Variants in HSPG2 observed in about 807,000 individuals in gnomAD.
The protein encoded by HSPG2 is basement membrane-specific heparan sulfate proteoglycan core protein.
Under a neutral mutation model 526.6 loss-of-function variants are expected in HSPG2, and 278 were observed. That is an observed-to-expected ratio of 0.53 (90% CI 0.48 to 0.58). The LOEUF (loss-of-function observed/expected upper bound fraction) is 0.58, where lower values mean the gene tolerates loss of function less well. Ranked by LOEUF, HSPG2 falls within the 20% of genes least tolerant of loss-of-function variation. HSPG2 has a pLI of 0.00. For missense variants in HSPG2, 5,354 were observed against 6,099.5 expected, an observed-to-expected ratio of 0.88 and a Z score of 4.07; for synonymous variants, 2,465 against 2,555.4, an observed-to-expected ratio of 0.96 and a Z score of 1.07.
In HSPG2 at chr1:21,832,497, G is replaced by A; in HGVS notation, c.11205C>T (p.Phe3735=). 1 of 1,613,754 alleles carries A rather than the reference G, an allele frequency of 6.2e-7. No homozygotes were observed. The highest frequency in any genetic ancestry group is 8.5e-7 in the Non-Finnish European group (1 of 1,179,634). Residue 3735 remains phenylalanine, a splice_region_variant and synonymous_variant, in exon 81 of 97, where the codon TTC becomes TTT. Coordinates refer to ENST00000374695, the MANE Select transcript of HSPG2 (RefSeq NM_005529.7). ...SFGLVGGRPE[F]RFDAGSGMAT... The stretch of plus-strand genomic sequence containing the variant: ...GGTGGGGAGGCTGGGGGTCTCACCG[G>A]AACTCGGGCCTTCCCCCCACGAGGC...
chr1:21,871,245 TG>T (rs1302047079), intron 33 of HSPG2, among the ~76,000 whole-genome samples: 2 of 142,400 alleles, frequency 1.4e-5, no homozygotes. Context: ...CACCTCTGAC[TG>T]GCAGAGTATT....
chr1:21,835,416 A>C, intron 76 of HSPG2, 124 bp downstream of exon 76: 2 of 733,666 alleles, frequency 2.7e-6, no homozygotes, highest in Non-Finnish European at 4.9e-6. Context: ...GCAAAATGGA[A>C]TAATTCTCTT....
At position 21,829,981 on chromosome 1, in the gene HSPG2, G is replaced by T. The variant is rs373385666; in HGVS notation, c.11770+12C>A. On this transcript the variant is annotated intron_variant, in intron 86 of 96. Transcript: ENST00000374695. ...CTAGGACCCTGGGGGTCTCAGGCCT[G>T]GCTCCCCTCACCTTCCTCACACCGC... 119 of 1,598,366 alleles carry T rather than the reference G, an allele frequency of 7.4e-5. No individual in the cohort carries two copies. The highest frequency in any genetic ancestry group is 4.5e-4 in the Admixed American group (26 of 58,420).
chr1:21,854,725 T>C lies in HSPG2; in HGVS notation c.6174A>G (p.Ser2058=), dbSNP rs753974501. The change falls in exon 49 of 97, where the codon TCA becomes TCG. Residue 2058 remains serine, a synonymous_variant. Coordinates refer to ENST00000374695, the MANE Select transcript of HSPG2 (RefSeq NM_005529.7). ...TTTGCCCTTCTGTCACAGAAGGCGA[T>C]GAGGACTCAATCTTGACCGGCGGTG... is the stretch of plus-strand genomic sequence containing the variant. ...ASPPPVKIES[S]SPSVTEGQTL... is the part of the protein sequence containing the mutation. 6.2e-7 allele frequency: 1 copy of C among 1,613,634 alleles called. No individual in the cohort carries two copies. The highest frequency in any genetic ancestry group is 1.1e-5 in the South Asian group (1 of 90,910).
At chr1:21,832,732 C>G in intron 80 of HSPG2, 126 bp from the exon 81 acceptor site, 1 of 698,624 alleles carries the variant, frequency 1.4e-6, no homozygotes, top group Non-Finnish European at 2.6e-6. Flanking sequence ...CTCTGGCACT[C>G]CTCACACAGC....
chr1:21,843,266 C>G, intron 66 of HSPG2, 31 bp downstream of exon 66: 1 of 1,613,656 alleles, frequency 6.2e-7, no homozygotes, highest in Non-Finnish European at 8.5e-7. Context: ...CGCCTGTGCT[C>G]TGGCATCGCC....
At chr1:21,915,938 C>T (rs1234143036) in intron 1 of HSPG2, among the ~76,000 whole-genome samples, 1 of 151,422 alleles carries the variant, frequency 6.6e-6, no homozygotes, top group Non-Finnish European at 1.5e-5. Flanking sequence ...GTAATCCCAG[C>T]TACTCGGGAG....
rs764720920 is a variant in HSPG2 at position 21,824,400 on chromosome 1, TG to T, written c.12745-25del. Reference sequence around the variant, plus strand: ...TCCTGCCAGGGAAGCACAGGGTCTCTGGGGTCCCCAGCCTGGAGAGCAGAGG... The same window carrying T: ...TCCTGCCAGGGAAGCACAGGGTCTCTGGGTCCCCAGCCTGGAGAGCAGAGG... On this transcript the variant is annotated intron_variant, in intron 93 of 96. Coordinates refer to ENST00000374695, the MANE Select transcript of HSPG2 (RefSeq NM_005529.7). This position sits in a 1 kb window ranked among gnomAD's most constrained non-coding sequence, Gnocchi z 5.9. The T allele has an allele frequency of 6.2e-6, 10 of 1,613,138 alleles. No individual in the cohort carries two copies. In the Admixed American group the frequency reaches 1.5e-4, roughly 24 times the overall value.
At chr1:21,882,725 T>C (rs1641608280) in intron 13 of HSPG2, among the ~76,000 whole-genome samples, 1 of 152,064 alleles carries the variant, frequency 6.6e-6, no homozygotes, top group Admixed American at 6.5e-5. Context: ...ACTGCCACAT[T>C]GGATGGTGCA....
At chr1:21,899,354 A>T (rs1044855947) in intron 1 of HSPG2, among the ~76,000 whole-genome samples, 6 of 152,202 alleles carry the variant, frequency 3.9e-5, no homozygotes, top group Non-Finnish European at 7.4e-5. Context: ...AGGACCTTGG[A>T]CCCAGAAAGG....
At chr1:21,916,836 G>A (rs1479900883) in intron 1 of HSPG2, among the ~76,000 whole-genome samples, 1 of 152,222 alleles carries the variant, frequency 6.6e-6, no homozygotes, top group African/African-American at 2.4e-5. Context: ...GGCTGGAGAT[G>A]GAGCTATCTC....
intron 1 of HSPG2, among the ~76,000 whole-genome samples, chr1:21,927,346 G>C (rs1315871974): frequency 2.6e-5 from 4 of 152,140 alleles, no homozygotes; most frequent in Non-Finnish European, 4.4e-5. Context: ...AGGCCTGTGT[G>C]TCTCTCTCTC....
chr1:21,832,380 G>A, intron 81 of HSPG2, 115 bp downstream of exon 81: 2 of 869,234 alleles, frequency 2.3e-6, no homozygotes, highest in East Asian at 5.0e-5. Context: ...AAGGGTAACG[G>A]CCACATTTTC....
At chr1:21,927,917 G>T (rs1644248285) in intron 1 of HSPG2, among the ~76,000 whole-genome samples, 1 of 152,232 alleles carries the variant, frequency 6.6e-6, no homozygotes, top group Non-Finnish European at 1.5e-5. Context: ...CATAGAGAAG[G>T]CGTGCCCGGC....
In HSPG2 at chr1:21,842,265, A is replaced by G; in HGVS notation, c.9026T>C (p.Val3009Ala). ...PEQEASFTVT[V>A]PPSEGSSYRL... Reference sequence around the variant, plus strand: ...GTAGGAAGACCCCTCACTGGGCGGGACGGTGACTGTGAAGGAGGCTTCTTG... The same window carrying G: ...GTAGGAAGACCCCTCACTGGGCGGGGCGGTGACTGTGAAGGAGGCTTCTTG... The change falls in exon 68 of 97, where the codon GTC (valine) becomes GCC (alanine). Residue 3009 changes from valine (V) to alanine (A), a missense_variant. Val to Ala is a moderately conservative substitution (Grantham distance 64). Coordinates refer to ENST00000374695, the MANE Select transcript of HSPG2 (RefSeq NM_005529.7). 1 of 1,613,550 alleles carries G rather than the reference A, an allele frequency of 6.2e-7. No homozygotes were observed. Among genetic ancestry groups the G allele is most frequent in the Non-Finnish European group, 8.5e-7 (1 of 1,179,866 alleles).
chr1:21,877,672 A>G, intron 21 of HSPG2: 1 of 157,706 alleles, frequency 6.3e-6, no homozygotes, highest in Non-Finnish European at 1.4e-5. Flanking sequence ...TAATTTTTGC[A>G]TTTTTAGTAG....
At chr1:21,841,361 T>G (rs1052083951) in intron 70 of HSPG2, 76 bp from the exon 71 acceptor site, 1 of 1,584,332 alleles carries the variant, frequency 6.3e-7, no homozygotes, top group African/African-American at 1.3e-5. Flanking sequence ...GCCTCCAGCT[T>G]AGTAACTGCT....
At chr1:21,834,232 A>G (rs1440320481) in intron 77 of HSPG2, among the ~76,000 whole-genome samples, 1 of 152,182 alleles carries the variant, frequency 6.6e-6, no homozygotes, top group African/African-American at 2.4e-5. Context: ...TAGGTAAGGA[A>G]GTTTGGAGGC....
Position 21,879,015 on chromosome 1 carries a change from G to A in HSPG2, c.2450C>T (p.Pro817Leu). 1 of 1,614,136 alleles carries A rather than the reference G, an allele frequency of 6.2e-7. No homozygotes were observed. The highest frequency in any genetic ancestry group is 8.5e-7 in the Non-Finnish European group (1 of 1,180,036). The change falls in exon 18 of 97, where the codon CCA becomes CTA. Residue 817 changes from proline (P) to leucine (L), a missense_variant. By Grantham distance (98) the Pro-to-Leu change is moderately conservative (BLOSUM62 -3). Coordinates refer to ENST00000374695, the MANE Select transcript of HSPG2 (RefSeq NM_005529.7). ...TATSCRPCPC[P>L]YIDASRRFSD... The stretch of plus-strand genomic sequence containing the variant: ...TGACCTGCGGGAGGCATCGATGTAT[G>A]GGCAAGGGCAGGGCCGGCAGGAAGT...
Sources: allele counts gnomAD v4.1 joint callset (sites outside exome capture counted in the v4.1 genomes callset), GRCh38; gene constraint gnomAD v4.1.1; non-coding constraint Gnocchi (gnomAD v3.1); transcripts MANE v1.5; gene names NCBI Gene and HGNC (gene_info 2026-07-23, HGNC 2026-07-21).